AGPS: variants seen among roughly 807,000 people sequenced by gnomAD.
The protein encoded by AGPS is alkylglycerone phosphate synthase, also known as alkyldihydroxyacetonephosphate synthase, peroxisomal.
AGPS carries 26 observed loss-of-function variants against 90.7 expected under a neutral mutation model. The ratio of observed to expected loss-of-function variants is 0.29; its 90% confidence interval spans 0.21 to 0.40. The LOEUF (loss-of-function observed/expected upper bound fraction) is 0.40. AGPS is among the 10% of genes least tolerant of loss of function. The probability of loss-of-function intolerance (pLI) is 1.00; values close to 1 mark genes in which losing one functional copy is unlikely to be tolerated. For missense variants in AGPS, 540 were observed against 816.1 expected (o/e 0.66, Z 4.12); for synonymous variants, 294 against 285.3 (o/e 1.03, Z -0.31).
intron 9 of AGPS, among the ~76,000 whole-genome samples, chr2:177,466,720 C>T (rs1049171096): frequency 1.1e-4 from 17 of 152,330 alleles, no homozygotes; most frequent in African/African-American, 3.6e-4. Flanking sequence ...CACGCAGGCT[C>T]GGCCTCAACT....
At chr2:177,512,255 T>C (rs1688896850) in intron 16 of AGPS, among the ~76,000 whole-genome samples, 1 of 152,094 alleles carries the variant, frequency 6.6e-6, no homozygotes, top group African/African-American at 2.4e-5. Context: ...AAATGTTTTA[T>C]GAGATTTTTT....
In AGPS at chr2:177,497,759, T is replaced by C; in HGVS notation, c.1356T>C (p.Ile452=). Reference sequence around the variant, plus strand: ...TGGACGGATTAAAAAAGTTTTATATTACAAAGGTAAGAATTTTTATAAAAT... The same window carrying C: ...TGGACGGATTAAAAAAGTTTTATATCACAAAGGTAAGAATTTTTATAAAAT... ...SFLDGLKKFY[I]TKFKGFDPNQ... Residue 452 remains isoleucine, a synonymous_variant, in exon 13 of 20, where the codon ATT becomes ATC. Coordinates refer to ENST00000264167, the MANE Select transcript of AGPS (RefSeq NM_003659.4). 1.3e-6 allele frequency: 2 copies of C among 1,498,396 alleles called. No individual in the cohort carries two copies. The highest frequency in any genetic ancestry group is 1.8e-6 in the Non-Finnish European group (2 of 1,082,780). The allele number at this position is 1,498,396 out of a possible 1,614,324, so 92.8% of individuals were successfully genotyped here.
At chr2:177,440,100 A>G (rs567576596) in intron 5 of AGPS, among the ~76,000 whole-genome samples, 1 of 152,292 alleles carries the variant, frequency 6.6e-6, no homozygotes, top group South Asian at 2.1e-4. Context: ...GATGAGAATC[A>G]TGATATTTTA....
chr2:177,479,370 A>T (rs1180982964), intron 10 of AGPS, among the ~76,000 whole-genome samples: 2 of 152,168 alleles, frequency 1.3e-5, no homozygotes, highest in African/African-American at 4.8e-5. Flanking sequence ...TGGGATCAGG[A>T]TATTATATGG....
chr2:177,424,312 A>G (rs1686016272), intron 2 of AGPS, among the ~76,000 whole-genome samples: 1 of 152,208 alleles, frequency 6.6e-6, no homozygotes, highest in South Asian at 2.1e-4. Flanking sequence ...CTATGGCTGC[A>G]TAGTATTCCA....
intron 9 of AGPS, among the ~76,000 whole-genome samples, chr2:177,464,358 A>G (rs1638409143): frequency 6.6e-6 from 1 of 152,204 alleles, no homozygotes; most frequent in African/African-American, 2.4e-5. Context: ...TATTCTTTTA[A>G]TACATGTGGC....
rs2079244870 is a variant in AGPS, at chr2:177,542,355, T to C, written c.*4160T>C. ...AACCTGAAGCACTCCCTTTTGAACC[T>C]TGGAAGATCCTCAAAGAGTGAGCAC... On this transcript the variant is annotated 3_prime_UTR_variant, in exon 20 of 20. Transcript: ENST00000264167. The C allele has an allele frequency of 6.6e-6, 1 of 152,166 alleles. No homozygotes were observed. 9.4% of individuals were successfully genotyped at this position (152,166 alleles called of 1,614,324 possible). A position where few individuals can be genotyped will look rare whatever the true frequency, so the allele number is the denominator to read the frequency against.
chr2:177,415,972 T>C (rs1032916244), intron 1 of AGPS, among the ~76,000 whole-genome samples: 1 of 152,196 alleles, frequency 6.6e-6, no homozygotes, highest in African/African-American at 2.4e-5. Context: ...AGAAAAACTT[T>C]TATAAAAGTT....
At chr2:177,536,737 A>G (rs1409075939) in intron 19 of AGPS, among the ~76,000 whole-genome samples, 1 of 152,118 alleles carries the variant, frequency 6.6e-6, no homozygotes, top group Non-Finnish European at 1.5e-5. Flanking sequence ...CCCCGTCTTA[A>G]TACCAGCAAT....
intron 10 of AGPS, 139 bp from the exon 11 acceptor site, chr2:177,481,920 T>G: frequency 2.7e-6 from 2 of 740,026 alleles, no homozygotes; most frequent in Non-Finnish European, 4.0e-6. Flanking sequence ...TAGAATGACT[T>G]GAGTAGCCAT....
chr2:177,464,027 C>T (rs568701780), intron 9 of AGPS, among the ~76,000 whole-genome samples: 4 of 152,212 alleles, frequency 2.6e-5, no homozygotes, highest in Non-Finnish European at 2.9e-5. Flanking sequence ...CTGCAACCTC[C>T]GCGTCCCGGG....
chr2:177,449,936 C>T (rs1686888065), intron 8 of AGPS, among the ~76,000 whole-genome samples: 1 of 151,796 alleles, frequency 6.6e-6, no homozygotes, highest in Admixed American at 6.6e-5. Context: ...CTCCCGGGTT[C>T]ATGCCATTCT....
chr2:177,522,519 G>A (rs918489705), intron 18 of AGPS, among the ~76,000 whole-genome samples: 16 of 152,006 alleles, frequency 1.1e-4, no homozygotes, highest in East Asian at 1.9e-4. Flanking sequence ...GCGTGATCTC[G>A]GCTCACTGCA....
chr2:177,500,315 G>T (rs1688523096), intron 14 of AGPS, among the ~76,000 whole-genome samples: 1 of 151,898 alleles, frequency 6.6e-6, no homozygotes, highest in Non-Finnish European at 1.5e-5. Context: ...GAGAACTATA[G>T]TGAAAATGCC....
At chr2:177,504,000 C>A (rs1313954109) in intron 14 of AGPS, among the ~76,000 whole-genome samples, 1 of 152,178 alleles carries the variant, frequency 6.6e-6, no homozygotes, top group Non-Finnish European at 1.5e-5. Context: ...TGTCTCATCT[C>A]GACATAACAG....
At chr2:177,472,167 G>A (rs1687644354) in intron 10 of AGPS, among the ~76,000 whole-genome samples, 4 of 150,206 alleles carry the variant, frequency 2.7e-5, no homozygotes, top group Non-Finnish European at 3.0e-5. Flanking sequence ...TTGATTATAC[G>A]TATGTTTGAC....
intron 3 of AGPS, among the ~76,000 whole-genome samples, chr2:177,435,970 C>T (rs1032664450): frequency 1.3e-5 from 2 of 151,842 alleles, no homozygotes; most frequent in East Asian, 3.9e-4. Flanking sequence ...ATAGTTTTAA[C>T]TTTGAAGTTG....
chr2:177,420,451 T>A, intron 2 of AGPS, 93 bp downstream of exon 2: 1 of 945,954 alleles, frequency 1.1e-6, no homozygotes, highest in East Asian at 2.5e-5. Flanking sequence ...TGATTCCTCC[T>A]TGAGTTTAAA....
chr2:177,521,244 T>C (rs1186067128), intron 17 of AGPS, 25 bp from the exon 18 acceptor site: 1 of 1,577,636 alleles, frequency 6.3e-7, no homozygotes, highest in South Asian at 1.1e-5. Flanking sequence ...TTAAAGCCCC[T>C]GTGGGGATTT....
Sources: allele counts gnomAD v4.1 joint callset (sites outside exome capture counted in the v4.1 genomes callset), GRCh38; gene constraint gnomAD v4.1.1; transcripts MANE v1.5; gene names NCBI Gene and HGNC (gene_info 2026-07-23, HGNC 2026-07-21).